INPP5F: variants seen among roughly 807,000 people sequenced by gnomAD.
INPP5F encodes phosphatidylinositide 4-phosphatase SAC2.
Under a neutral mutation model 137.2 loss-of-function variants are expected in INPP5F, and 97 were observed. The observed-to-expected ratio is 0.71, with a 90% CI of 0.60 to 0.84. The LOEUF is 0.84. Ranked by LOEUF, INPP5F falls within the 40% of genes least tolerant of loss-of-function variation. The pLI, the probability that INPP5F is intolerant of heterozygous loss-of-function variation, is 0.00. For missense variants in INPP5F, 1,271 were observed against 1,371.9 expected (o/e 0.93, Z 1.16); for synonymous variants, 504 against 476.9 (o/e 1.06, Z -0.74).
intron 13 of INPP5F, among the ~76,000 whole-genome samples, chr10:119,808,550 T>TG (rs1850894544): frequency 6.6e-6 from 1 of 152,178 alleles, no homozygotes; most frequent in African/African-American, 2.4e-5. Flanking sequence ...TGTTATGGGA[T>TG]CATATGAGTC....
At chr10:119,777,811 G>A (rs1271723760) in intron 2 of INPP5F, among the ~76,000 whole-genome samples, 1 of 151,916 alleles carries the variant, frequency 6.6e-6, no homozygotes, top group East Asian at 1.9e-4. Context: ...ATAGGGAAAT[G>A]GCCTATAAAA....
chr10:119,751,874 C>T lies in INPP5F; in HGVS notation c.178+718C>T, dbSNP rs568334952. Among the ~76,000 whole-genome samples, 136 of 152,298 alleles carry T rather than the reference C, an allele frequency of 8.9e-4. No homozygotes were observed. The Middle Eastern group carries it at 0.01, about 12-fold the overall frequency. On this transcript the variant is annotated intron_variant, in intron 2 of 19. Coordinates refer to ENST00000650623, the MANE Select transcript of INPP5F (RefSeq NM_014937.4). ...TCAAACTCCTGGCCTCCAGCAGTTC[C>T]CCTGCCCTGGGCTCCCAAAGTCCTG...
At chr10:119,811,438 TTTA>T (rs1314123523) in intron 14 of INPP5F, among the ~76,000 whole-genome samples, 2 of 152,248 alleles carry the variant, frequency 1.3e-5, no homozygotes, top group Non-Finnish European at 2.9e-5. Context: ...GCCTTATCTT[TTTA>T]TTATTGATTT....
At chr10:119,789,302 T>G (rs1197548487) in intron 3 of INPP5F, among the ~76,000 whole-genome samples, 1 of 152,172 alleles carries the variant, frequency 6.6e-6, no homozygotes, top group Non-Finnish European at 1.5e-5. Context: ...GTAGCTCGGT[T>G]TTGAGCAAGT....
chr10:119,758,528 A>G (rs1237079178), intron 2 of INPP5F, among the ~76,000 whole-genome samples: 2 of 152,224 alleles, frequency 1.3e-5, no homozygotes, highest in Non-Finnish European at 2.9e-5. Flanking sequence ...ATAGATCACA[A>G]AAGCTCTTCA....
In INPP5F at chr10:119,822,414, C is replaced by T. The variant is rs769258905; in HGVS notation, c.1959-17C>T. On this transcript the variant is annotated splice_polypyrimidine_tract_variant and intron_variant, in intron 16 of 19. Transcript: ENST00000650623. ...TTTGATTTAAATCCTCTTTTAACTT[C>T]ATTTCCTTTTATCTAGTTATGATGA... The T allele has an allele frequency of 2.2e-6, 3 of 1,361,512 alleles. No individual in the cohort carries two copies. The highest frequency in any genetic ancestry group is 3.1e-6 in the Non-Finnish European group (3 of 981,552). 84.3% of individuals were successfully genotyped at this position (1,361,512 alleles called of 1,614,324 possible).
chr10:119,791,637 A>G lies in INPP5F; in HGVS notation c.436A>G (p.Lys146Glu). 6.2e-7 allele frequency: 1 copy of G among 1,602,014 alleles called. No homozygotes were observed. Among genetic ancestry groups the G allele is most frequent in the African/African-American group, 1.3e-5 (1 of 74,712 alleles). Residue 146 changes from lysine (K) to glutamate (E), a missense_variant, in exon 4 of 20, where the codon AAA (lysine) becomes GAA (glutamate). Lys to Glu is a moderately conservative substitution (Grantham distance 56). Transcript: ENST00000650623. ...TAAATCCAATGTGTCTGCTCCTAAT[A>G]AAAAGAAAGTAAGAGTTTAATTGAT... The part of the protein sequence containing the change: ...HIKSNVSAPN[K>E]KKVKESKEKE...
intron 2 of INPP5F, among the ~76,000 whole-genome samples, chr10:119,752,311 G>T (rs780867317): frequency 4.6e-5 from 7 of 152,116 alleles, no homozygotes; most frequent in Non-Finnish European, 1.0e-4. Context: ...TGGGCCAGGC[G>T]CAGTGACTCA....
At chr10:119,790,185 G>A (rs1480686960) in intron 3 of INPP5F, among the ~76,000 whole-genome samples, 6 of 152,046 alleles carry the variant, frequency 3.9e-5, no homozygotes, top group East Asian at 1.9e-4. Flanking sequence ...GGAGAGGAGC[G>A]GAGGAGGATG....
intron 13 of INPP5F, among the ~76,000 whole-genome samples, chr10:119,809,704 T>C (rs767969689): frequency 6.6e-5 from 10 of 152,218 alleles, no homozygotes; most frequent in Non-Finnish European, 1.3e-4. Flanking sequence ...TGATCAACTC[T>C]AGGGAACTAG....
At chr10:119,741,287 C>G (rs1848368018) in intron 1 of INPP5F, among the ~76,000 whole-genome samples, 1 of 152,160 alleles carries the variant, frequency 6.6e-6, no homozygotes, top group African/African-American at 2.4e-5. Flanking sequence ...GTCCTGTGTT[C>G]TATCTCAAAT....
chr10:119,754,325 A>G (rs1304739791), intron 2 of INPP5F, among the ~76,000 whole-genome samples: 1 of 152,216 alleles, frequency 6.6e-6, no homozygotes, highest in Admixed American at 6.5e-5. Context: ...TTAATGGTTG[A>G]TGAGTTTACG....
rs1187464648 is a variant in INPP5F, at chr10:119,726,338, G to C, written c.76G>C (p.Gly26Arg). The change falls in exon 1 of 20, where the codon GGC becomes CGC. Residue 26 changes from glycine (G) to arginine (R), a missense_variant. Physicochemically the swap from Gly to Arg is moderately radical, Grantham distance 125. Transcript: ENST00000650623. Reference sequence around the variant, plus strand: ...CGCGCTGTGGTGCAGCCGCCGCGACGGCGGCCTCCAGCTCCGACCCGGTGA... The same window carrying C: ...CGCGCTGTGGTGCAGCCGCCGCGACCGCGGCCTCCAGCTCCGACCCGGTGA... ...ERALWCSRRD[G>R]GLQLRPATDL... is the part of the protein sequence containing the mutation. The C allele has an allele frequency of 6.8e-7, 1 of 1,464,454 alleles. No individual in the cohort carries two copies. The highest frequency in any genetic ancestry group is 9.1e-7 in the Non-Finnish European group (1 of 1,104,546). The allele number at this position is 1,464,454 out of a possible 1,614,324, so 90.7% of individuals were successfully genotyped here. A position where few individuals can be genotyped will look rare whatever the true frequency, so the allele number is the denominator to read the frequency against.
intron 1 of INPP5F, among the ~76,000 whole-genome samples, chr10:119,740,265 G>A (rs183389255): frequency 1.1e-4 from 16 of 152,228 alleles, no homozygotes; most frequent in Middle Eastern, 6.8e-3. Context: ...TGTATGTAGC[G>A]GGTGTGGGGG....
At chr10:119,774,817 A>C (rs1434735373) in intron 2 of INPP5F, among the ~76,000 whole-genome samples, 2 of 152,142 alleles carry the variant, frequency 1.3e-5, no homozygotes, top group Admixed American at 1.3e-4. Context: ...AAACTGCTAA[A>C]TATATAATAT....
intron 3 of INPP5F, among the ~76,000 whole-genome samples, chr10:119,785,796 C>T (rs1589712585): frequency 6.6e-6 from 1 of 152,068 alleles, no homozygotes; most frequent in African/African-American, 2.4e-5. Context: ...GAGTTTGAGG[C>T]TGCAGTGAGC....
At chr10:119,778,835 A>G (rs1294538723) in intron 2 of INPP5F, among the ~76,000 whole-genome samples, 1 of 152,056 alleles carries the variant, frequency 6.6e-6, no homozygotes, top group South Asian at 2.1e-4. Flanking sequence ...TTTTTAATAG[A>G]GTTGGATTTG....
chr10:119,752,952 C>CTT (rs34756292), intron 2 of INPP5F, among the ~76,000 whole-genome samples: 1 of 139,958 alleles, frequency 7.1e-6, no homozygotes, highest in South Asian at 2.2e-4. Flanking sequence ...TTTTTTCTTT[C>CTT]TTTTTTTTTT....
chr10:119,754,616 C>A (rs559933495), intron 2 of INPP5F, among the ~76,000 whole-genome samples: 1 of 152,112 alleles, frequency 6.6e-6, no homozygotes, highest in Non-Finnish European at 1.5e-5. Context: ...CTTCTTGTCA[C>A]GTCACTTGAA....
Sources: allele counts gnomAD v4.1 joint callset (sites outside exome capture counted in the v4.1 genomes callset), GRCh38; gene constraint gnomAD v4.1.1; transcripts MANE v1.5; gene names NCBI Gene and HGNC (gene_info 2026-07-23, HGNC 2026-07-21).